The following DPP10 variants were observed in gnomAD, a reference collection of about 807,000 sequenced individuals.
The protein encoded by DPP10 is dipeptidyl peptidase like 10.
DPP10 carries 33 observed loss-of-function variants against 120.9 expected under a neutral mutation model. That is an observed-to-expected ratio of 0.27 (90% CI 0.21 to 0.37). The LOEUF is 0.37. Ranked by LOEUF, DPP10 falls within the 10% of genes least tolerant of loss-of-function variation. The pLI is 1.00. For synonymous variants in DPP10, 337 were observed against 326.1 expected (o/e 1.03, Z -0.36); for missense variants, 816 against 942.8 (o/e 0.87, Z 1.76).
chr2:114,626,265 C>A (rs777696573), intron 1 of DPP10, among the ~76,000 whole-genome samples: 1 of 151,782 alleles, frequency 6.6e-6, no homozygotes, highest in Admixed American at 6.6e-5. Flanking sequence ...TTATTTTGTC[C>A]TTAGGGTATA....
chr2:114,496,777 C>G (rs1682556610), intron 1 of DPP10, among the ~76,000 whole-genome samples: 1 of 151,930 alleles, frequency 6.6e-6, no homozygotes, highest in Non-Finnish European at 1.5e-5. Context: ...TGGGAACACT[C>G]AATGAGACGC....
At chr2:115,466,759 G>A (rs1443773119) in intron 3 of DPP10, among the ~76,000 whole-genome samples, 1 of 152,126 alleles carries the variant, frequency 6.6e-6, no homozygotes, top group African/African-American at 2.4e-5. Context: ...TCTATATTGG[G>A]TTCTACTTTT....
intron 1 of DPP10, among the ~76,000 whole-genome samples, chr2:115,103,587 A>C (rs969043746): frequency 1.3e-5 from 2 of 152,158 alleles, no homozygotes; most frequent in South Asian, 2.1e-4. Context: ...CTCAATTTCT[A>C]ATTTTAGGAA....
chr2:115,184,247 A>C (rs1253615875), intron 1 of DPP10, among the ~76,000 whole-genome samples: 1 of 152,194 alleles, frequency 6.6e-6, no homozygotes, highest in Non-Finnish European at 1.5e-5. Context: ...TGAATGATAT[A>C]AACTTTAGCT....
intron 3 of DPP10, chr2:115,468,567 A>G: frequency 2.4e-6 from 1 of 408,960 alleles, no homozygotes; most frequent in Non-Finnish European, 4.7e-6. Flanking sequence ...AGTGGGGCTA[A>G]TGTGGTTGAT....
chr2:114,853,314 C>A (rs1333632688), intron 1 of DPP10, among the ~76,000 whole-genome samples: 1 of 152,058 alleles, frequency 6.6e-6, no homozygotes, highest in African/African-American at 2.4e-5. Context: ...ATAACTACTA[C>A]TAATTTTTTT....
chr2:115,463,619 G>T (rs947519782), intron 3 of DPP10, among the ~76,000 whole-genome samples: 7 of 152,044 alleles, frequency 4.6e-5, no homozygotes, highest in African/African-American at 1.7e-4. Context: ...AATGGATTTG[G>T]TCTTCCTTAT....
Position 115,528,271 on chromosome 2 carries a change from A to G in DPP10, c.441+2299A>G, listed in dbSNP as rs181618929. Among the ~76,000 whole-genome samples the G allele has an allele frequency of 6.1e-3, 926 of 152,028 alleles. 5 individuals are homozygous for G. The highest frequency in any genetic ancestry group is 0.02 in the African/African-American group (841 of 41,468). On this transcript the variant is annotated intron_variant, in intron 5 of 25. Transcript: ENST00000410059. The stretch of plus-strand genomic sequence containing the variant: ...TATACCTAATGCAAATGACGAGTTA[A>G]TGGGTACAGCACACCAACATGGCAC...
chr2:115,513,312 T>A (rs2077330150), intron 4 of DPP10, among the ~76,000 whole-genome samples: 1 of 152,052 alleles, frequency 6.6e-6, no homozygotes, highest in South Asian at 2.1e-4. Context: ...ATAATTATTT[T>A]AAAAAAATTT....
chr2:115,466,102 T>TTTTCTACAAATTCTAACTGAATTG lies in DPP10; in HGVS notation c.272-33406_272-33383dup, dbSNP rs537682557. 3.4e-3 allele frequency among the ~76,000 whole-genome samples: 525 copies of TTTTCTACAAATTCTAACTGAATTG among 152,292 alleles called. 2 individuals are homozygous for TTTTCTACAAATTCTAACTGAATTG. Among genetic ancestry groups the TTTTCTACAAATTCTAACTGAATTG allele is most frequent in the African/African-American group, 0.012 (489 of 41,560 alleles). The stretch of plus-strand genomic sequence containing the variant: ...GTTTTTATCAACATCACCAAGATGT[T>TTTTCTACAAATTCTAACTGAATTG]TTTCTACAAATTCTAACTGAATTGT... On this transcript the variant is annotated intron_variant, in intron 3 of 25. Coordinates refer to ENST00000410059, the MANE Select transcript of DPP10 (RefSeq NM_020868.6).
At chr2:115,743,223 G>T (rs902059615) in intron 9 of DPP10, among the ~76,000 whole-genome samples, 1 of 152,034 alleles carries the variant, frequency 6.6e-6, no homozygotes, top group African/African-American at 2.4e-5. Flanking sequence ...CTTGCGATGT[G>T]TGCTTAATTT....
chr2:115,830,631 T>C (rs1327999351), intron 21 of DPP10, among the ~76,000 whole-genome samples: 1 of 151,984 alleles, frequency 6.6e-6, no homozygotes, highest in Non-Finnish European at 1.5e-5. Context: ...ACATAATTGG[T>C]GAAATACATA....
chr2:115,606,333 G>A (rs544733828), intron 5 of DPP10, among the ~76,000 whole-genome samples: 117 of 152,126 alleles, frequency 7.7e-4, no homozygotes, highest in African/African-American at 2.5e-3. Flanking sequence ...GCCAAAAAAA[G>A]AATAGATTCA....
intron 1 of DPP10, among the ~76,000 whole-genome samples, chr2:115,129,484 T>C (rs1280072234): frequency 6.6e-6 from 1 of 152,192 alleles, no homozygotes; most frequent in Non-Finnish European, 1.5e-5. Flanking sequence ...TCCCTTAAGT[T>C]TCCAGAGAGC....
intron 1 of DPP10, among the ~76,000 whole-genome samples, chr2:115,078,579 A>G (rs1208932612): frequency 1.3e-5 from 2 of 152,326 alleles, no homozygotes; most frequent in African/African-American, 4.8e-5. Flanking sequence ...TTTAAGTAGT[A>G]TGCTAAAATC....
chr2:115,735,877 G>A (rs1676429945), intron 8 of DPP10, among the ~76,000 whole-genome samples: 1 of 151,606 alleles, frequency 6.6e-6, no homozygotes, highest in African/African-American at 2.4e-5. Flanking sequence ...GTTTTCCATC[G>A]ACCAGTACTA....
intron 8 of DPP10, among the ~76,000 whole-genome samples, chr2:115,730,032 G>A (rs1363504996): frequency 6.6e-6 from 1 of 152,120 alleles, no homozygotes; most frequent in Non-Finnish European, 1.5e-5. Flanking sequence ...CAATGATTTG[G>A]AATTTCAATT....
chr2:115,253,683 T>C (rs2058849233), intron 1 of DPP10, among the ~76,000 whole-genome samples: 1 of 152,238 alleles, frequency 6.6e-6, no homozygotes, highest in Admixed American at 6.5e-5. Flanking sequence ...TTTTACTACA[T>C]GTCCCACATC....
intron 3 of DPP10, among the ~76,000 whole-genome samples, chr2:115,417,874 C>T (rs756345351): frequency 5.3e-5 from 8 of 152,296 alleles, no homozygotes; most frequent in Admixed American, 2.0e-4. Context: ...AACTTTTCTC[C>T]GTCTGATGTA....
Sources: allele counts gnomAD v4.1 joint callset (sites outside exome capture counted in the v4.1 genomes callset), GRCh38; gene constraint gnomAD v4.1.1; transcripts MANE v1.5; gene names NCBI Gene and HGNC (gene_info 2026-07-23, HGNC 2026-07-21).